The following KLHL40 variants were observed in gnomAD, a reference collection of about 807,000 sequenced individuals.
The protein encoded by KLHL40 is kelch like family member 40, also known as kelch-like protein 40.
A neutral mutation model predicts 49.7 loss-of-function variants in KLHL40; 44 were observed. The observed-to-expected ratio is 0.89, with a 90% CI of 0.70 to 1.14. The LOEUF (loss-of-function observed/expected upper bound fraction) is 1.14. KLHL40 is among the 50% of genes most tolerant of loss of function. The pLI, the probability that KLHL40 is intolerant of heterozygous loss-of-function variation, is 0.00. For synonymous variants in KLHL40, 409 were observed against 365.2 expected (o/e 1.12, Z -1.37); for missense variants, 892 against 850.3 (o/e 1.05, Z -0.61).
chr3:42,692,154 C>T lies in KLHL40; in HGVS notation c.*161C>T. 1 of 610,512 alleles carries T rather than the reference C, an allele frequency of 1.6e-6. No homozygotes were observed. 37.8% of individuals were successfully genotyped at this position (610,512 alleles called of 1,614,324 possible). On this transcript the variant is annotated 3_prime_UTR_variant, in exon 6 of 6. Coordinates refer to ENST00000287777, the MANE Select transcript of KLHL40 (RefSeq NM_152393.4). The stretch of plus-strand genomic sequence containing the variant: ...GTCAGCCAAGGAAAGGGAAGTGCTG[C>T]TTAGTCCTGGACTTTTGGGCAAGGG...
chr3:42,691,881 G>A lies in KLHL40; in HGVS notation c.1755-1G>A. 6.3e-7 allele frequency: 1 copy of A among 1,590,756 alleles called. No homozygotes were observed. The highest frequency in any genetic ancestry group is 8.6e-7 in the Non-Finnish European group (1 of 1,158,982). On this transcript the variant is annotated splice_acceptor_variant, in intron 5 of 5. Transcript: ENST00000287777. LOFTEE classifies it high-confidence loss of function. ...TTGTCCCCACTCTCTCTCATCCCCAGGTATAACGAGGAGGAGAAGAAATGG... is the reference window on the plus strand; with the variant it reads ...TTGTCCCCACTCTCTCTCATCCCCAAGTATAACGAGGAGGAGAAGAAATGG...
rs367885083 is a variant in KLHL40 at position 42,686,611 on chromosome 3, C to T, written c.993C>T (p.Tyr331=). The T allele has an allele frequency of 1.2e-6, 2 of 1,614,088 alleles. No homozygotes were observed. Among genetic ancestry groups the T allele is most frequent in the Non-Finnish European group, 1.7e-6 (2 of 1,180,034 alleles). Residue 331 remains tyrosine, a synonymous_variant, in exon 1 of 6, where the codon TAC becomes TAT. Transcript: ENST00000287777. ...TCAGTGAGGAGGGCGCTGTGGCCTACGATCCAGCAGCCAACGAGTGCTACT... is the reference window on the plus strand; with the variant it reads ...TCAGTGAGGAGGGCGCTGTGGCCTATGATCCAGCAGCCAACGAGTGCTACT... ...FMISEEGAVA[Y]DPAANECYCA...
chr3:42,689,600 GT>G lies in KLHL40; in HGVS notation c.1607+547del. ...AGCGGGGGCCAGCAGGAGAGGGACT[GT>G]ATCTCATCTGTGTTCTACTAAAGTA... On this transcript the variant is annotated intron_variant, in intron 4 of 5. Transcript: ENST00000287777. 2.0e-5 allele frequency among the ~76,000 whole-genome samples: 3 copies of G among 152,178 alleles called. No homozygotes were observed. In the Middle Eastern group the frequency reaches 0.01, roughly 518 times the overall value.
In KLHL40 at chr3:42,685,771, GGCCGCCTGCA is replaced by G. The variant is rs1559613327; in HGVS notation, c.157_166del (p.Ala53ProfsTer8). 1 of 1,612,314 alleles carries G rather than the reference GGCCGCCTGCA, an allele frequency of 6.2e-7. No homozygotes were observed. Among genetic ancestry groups the G allele is most frequent in the Non-Finnish European group, 8.5e-7 (1 of 1,179,628 alleles). On this transcript the variant is annotated frameshift_variant, in exon 1 of 6. Transcript: ENST00000287777. LOFTEE classifies it high-confidence loss of function. ...AGTTCCCGTGCCATCGCCTGGTGCT[GGCCGCCTGCA>G]GCCCCTACTTCCGGGCGCGCTTTCT...
intron 4 of KLHL40, among the ~76,000 whole-genome samples, chr3:42,689,267 G>A (rs552105475): frequency 6.6e-6 from 1 of 152,306 alleles, no homozygotes; most frequent in Non-Finnish European, 1.5e-5. Flanking sequence ...CCAGGGCTGG[G>A]GGAGGGGATG....
Position 42,691,864 on chromosome 3 carries a change from A to T in KLHL40, c.1755-18A>T. ...GACCAAGCTCTCCATCCTTGTCCCC[A>T]CTCTCTCTCATCCCCAGGTATAACG... On this transcript the variant is annotated intron_variant, in intron 5 of 5. Coordinates refer to ENST00000287777, the MANE Select transcript of KLHL40 (RefSeq NM_152393.4). The T allele has an allele frequency of 6.6e-7, 1 of 1,519,970 alleles. No homozygotes were observed. The highest frequency in any genetic ancestry group is 9.1e-7 in the Non-Finnish European group (1 of 1,094,600). The allele number at this position is 1,519,970 out of a possible 1,614,324, so 94.2% of individuals were successfully genotyped here. A position where few individuals can be genotyped will look rare whatever the true frequency, so the allele number is the denominator to read the frequency against.
At position 42,686,269 on chromosome 3, in the gene KLHL40, GCCCACCGTCTT is replaced by G; in HGVS notation, c.653_663del (p.Pro218ArgfsTer63). ...CGCAGGCTGAGCGCCAGCGCGCGCT[GCCCACCGTCTT>G]CGAGAGCGTGCGCTGCCGCTTGCTG... On this transcript the variant is annotated frameshift_variant, in exon 1 of 6. Transcript: ENST00000287777. LOFTEE classifies it high-confidence loss of function. 1 of 1,561,262 alleles carries G rather than the reference GCCCACCGTCTT, an allele frequency of 6.4e-7. No homozygotes were observed. The highest frequency in any genetic ancestry group is 2.4e-5 in the East Asian group (1 of 42,050).
rs184819763 is a variant in KLHL40 at position 42,688,726 on chromosome 3, G to A, written c.1421+9G>A. On this transcript the variant is annotated intron_variant, in intron 3 of 5. Transcript: ENST00000287777. This position sits in a 1 kb window ranked among gnomAD's most constrained non-coding sequence, Gnocchi z 4.2. Reference sequence around the variant, plus strand: ...GGCAAAGGCAGTGACAGGTGAGGCTGGGCCTGGAGTGAGTCTGTGGAGCAG... The same window carrying A: ...GGCAAAGGCAGTGACAGGTGAGGCTAGGCCTGGAGTGAGTCTGTGGAGCAG... 2.9e-4 allele frequency: 468 copies of A among 1,608,516 alleles called. 3 individuals are homozygous for A. In the African/African-American group the frequency reaches 5.2e-3, roughly 18 times the overall value.
At position 42,688,168 on chromosome 3, in the gene KLHL40, G is replaced by A; in HGVS notation, c.1179G>A (p.Leu393=). Residue 393 remains leucine (L), a synonymous_variant, in exon 2 of 6, where the codon CTG becomes CTA. Coordinates refer to ENST00000287777, the MANE Select transcript of KLHL40 (RefSeq NM_152393.4). This position sits in a 1 kb window ranked among gnomAD's most constrained non-coding sequence, Gnocchi z 4.2. ...LQFDHLDSEW[L]GMPPLPSPRC... ...TTGACCATCTGGACTCAGAGTGGCT[G>A]GGGATGCCACCGCTGCCCTCGCCCC... 2 of 1,613,916 alleles carry A rather than the reference G, an allele frequency of 1.2e-6. No homozygotes were observed. The highest frequency in any genetic ancestry group is 1.7e-5 in the Admixed American group (1 of 60,014).
chr3:42,685,756 C>T lies in KLHL40; in HGVS notation c.138C>T (p.Cys46=). Residue 46 remains cysteine, a synonymous_variant, in exon 1 of 6, where the codon TGC becomes TGT. Transcript: ENST00000287777. ...VVRAGEREFP[C]HRLVLAACSP... Reference sequence around the variant, plus strand: ...GGGCGGGCGAGCGCGAGTTCCCGTGCCATCGCCTGGTGCTGGCCGCCTGCA... The same window carrying T: ...GGGCGGGCGAGCGCGAGTTCCCGTGTCATCGCCTGGTGCTGGCCGCCTGCA... 6.2e-7 allele frequency: 1 copy of T among 1,612,524 alleles called. No homozygotes were observed. The highest frequency in any genetic ancestry group is 8.5e-7 in the Non-Finnish European group (1 of 1,179,686).
chr3:42,691,767 G>T, intron 5 of KLHL40, 115 bp from the exon 6 acceptor site: 2 of 686,852 alleles, frequency 2.9e-6, no homozygotes, highest in South Asian at 3.3e-5. Flanking sequence ...ATTTTCAGGA[G>T]CAGATCTCCC....
Position 42,688,527 on chromosome 3 carries a change from G to T in KLHL40, c.1314-83G>T. On this transcript the variant is annotated intron_variant, in intron 2 of 5. Transcript: ENST00000287777. This position sits in a 1 kb window ranked among gnomAD's most constrained non-coding sequence, Gnocchi z 4.2. ...GACGCATCTCGAATATGTGTTAGGTGGATGGGCGGATGGGTGCAGAGACAG... is the reference window on the plus strand; with the variant it reads ...GACGCATCTCGAATATGTGTTAGGTTGATGGGCGGATGGGTGCAGAGACAG... 9.2e-7 allele frequency: 1 copy of T among 1,092,662 alleles called. No homozygotes were observed. Among genetic ancestry groups the T allele is most frequent in the Non-Finnish European group, 1.4e-6 (1 of 723,882 alleles). The allele number at this position is 1,092,662 out of a possible 1,614,324, so 67.7% of individuals were successfully genotyped here.
chr3:42,687,670 C>A (rs981011282), intron 1 of KLHL40, among the ~76,000 whole-genome samples: 4 of 152,058 alleles, frequency 2.6e-5, no homozygotes, highest in African/African-American at 4.8e-5. Context: ...GAAAACTTTC[C>A]AAAAAGATGA....
intron 4 of KLHL40, among the ~76,000 whole-genome samples, chr3:42,690,168 C>G (rs574706536): frequency 6.6e-6 from 1 of 152,098 alleles, no homozygotes; most frequent in African/African-American, 2.4e-5. Context: ...CAGTAGCACA[C>G]GGAGGGGCCA....
intron 5 of KLHL40, 77 bp downstream of exon 5, chr3:42,691,082 G>A: frequency 6.9e-6 from 10 of 1,450,642 alleles, no homozygotes; most frequent in Non-Finnish European, 9.3e-6. Flanking sequence ...GGGGTACCAA[G>A]GCACTGGGCA....
Position 42,688,575 on chromosome 3 carries a change from G to T in KLHL40, c.1314-35G>T. The T allele has an allele frequency of 6.6e-7, 1 of 1,521,270 alleles. No individual in the cohort carries two copies. The highest frequency in any genetic ancestry group is 9.1e-7 in the Non-Finnish European group (1 of 1,098,038). The allele number at this position is 1,521,270 out of a possible 1,614,324, so 94.2% of individuals were successfully genotyped here. A position where few individuals can be genotyped will look rare whatever the true frequency, so the allele number is the denominator to read the frequency against. ...CAGGGACTGAGCCGAGCCTGGATGG[G>T]TGCCCTCCCCCACCCCCACTCCCGT... On this transcript the variant is annotated intron_variant, in intron 2 of 5. Transcript: ENST00000287777. The surrounding 1 kb of genome is among the most constrained non-coding windows in gnomAD (Gnocchi z 4.2).
intron 5 of KLHL40, 152 bp downstream of exon 5, chr3:42,691,157 A>G (rs1697358823): frequency 6.5e-6 from 5 of 763,842 alleles, no homozygotes; most frequent in Non-Finnish European, 1.0e-5. Context: ...TAGCCAACAT[A>G]CCCTGCTTGG....
At position 42,688,952 on chromosome 3, in the gene KLHL40, T is replaced by G; in HGVS notation, c.1505T>G (p.Leu502Arg). 6.2e-7 allele frequency: 1 copy of G among 1,614,146 alleles called. No homozygotes were observed. Among genetic ancestry groups the G allele is most frequent in the South Asian group, 1.1e-5 (1 of 91,084 alleles). Reference sequence around the variant, plus strand: ...GCACCCATGCAGACCGCCCGCTCACTCTTTGGGGCCACTGTCCATGATGGC... The same window carrying G: ...GCACCCATGCAGACCGCCCGCTCACGCTTTGGGGCCACTGTCCATGATGGC... ...ELAPMQTARSLFGATVHDGRI... is the reference protein window; with the variant it reads ...ELAPMQTARSRFGATVHDGRI... Residue 502 changes from leucine to arginine, a missense_variant, in exon 4 of 6, where the codon CTC becomes CGC. Physicochemically the swap from Leu to Arg is moderately radical, Grantham distance 102. Transcript: ENST00000287777. The surrounding 1 kb of genome is among the most constrained non-coding windows in gnomAD (Gnocchi z 4.2).
In KLHL40 at chr3:42,692,372, A is replaced by G; in HGVS notation, c.*379A>G. On this transcript the variant is annotated 3_prime_UTR_variant, in exon 6 of 6. Transcript: ENST00000287777. ...GGAGCATCCCCATCAAGTGCAGTGT[A>G]CAGTGCAGATATGTCTCCTTCTTTA... 2.4e-6 allele frequency: 1 copy of G among 413,434 alleles called. No homozygotes were observed. The highest frequency in any genetic ancestry group is 3.6e-5 in the Admixed American group (1 of 27,586). 25.6% of individuals were successfully genotyped at this position (413,434 alleles called of 1,614,324 possible).
Sources: gnomAD v4.1 joint callset for allele counts (sites outside exome capture counted in the v4.1 genomes callset) on GRCh38, gnomAD v4.1.1 for gene constraint, Gnocchi (gnomAD v3.1) non-coding constraint, MANE v1.5 for transcripts, NCBI Gene and HGNC (gene_info 2026-07-23, HGNC 2026-07-21) for gene names.